The following NCALD variants were observed in gnomAD, a reference collection of about 807,000 sequenced individuals.
The protein encoded by NCALD is neurocalcin-delta.
NCALD carries 10 observed loss-of-function variants against 18.6 expected under a neutral mutation model. The observed-to-expected ratio is 0.54, with a 90% confidence interval of 0.33 to 0.91. NCALD has a LOEUF of 0.91. Among genes scored for constraint, NCALD ranks in the 40% least tolerant of loss-of-function variants. NCALD has a pLI of 0.03. For synonymous variants in NCALD, 88 were observed against 87.4 expected (o/e 1.01, Z -0.04); for missense variants, 184 against 247.6 (o/e 0.74, Z 1.72).
At chr8:101,774,514 A>G (rs1254574984) in intron 1 of NCALD, among the ~76,000 whole-genome samples, 1 of 152,236 alleles carries the variant, frequency 6.6e-6, no homozygotes, top group Non-Finnish European at 1.5e-5. Flanking sequence ...AATTTCTGAA[A>G]ACTTTACATT....
chr8:102,051,596 A>G (rs1359371862), intron 1 of NCALD, among the ~76,000 whole-genome samples: 1 of 152,246 alleles, frequency 6.6e-6, no homozygotes, highest in Non-Finnish European at 1.5e-5. Flanking sequence ...AGGTGAATGA[A>G]TGAATCTCAA....
intron 3 of NCALD, among the ~76,000 whole-genome samples, chr8:101,911,924 C>T (rs1817815499): frequency 6.6e-6 from 1 of 152,000 alleles, no homozygotes; most frequent in Non-Finnish European, 1.5e-5. Flanking sequence ...TTTCCAGATG[C>T]AAGCAGAAAC....
At chr8:102,070,825 T>G (rs186929957) in intron 1 of NCALD, among the ~76,000 whole-genome samples, 20 of 152,318 alleles carry the variant, frequency 1.3e-4, no homozygotes, top group Middle Eastern at 3.4e-3. Flanking sequence ...GAATGGCTGC[T>G]TACCGGGAAA....
At chr8:101,714,549 G>A (rs1359810384) in intron 2 of NCALD, among the ~76,000 whole-genome samples, 1 of 152,144 alleles carries the variant, frequency 6.6e-6, no homozygotes, top group Non-Finnish European at 1.5e-5. Context: ...TCAATATCAT[G>A]AAAACGGCCA....
intron 2 of NCALD, among the ~76,000 whole-genome samples, chr8:101,917,892 G>A (rs1237197845): frequency 6.6e-6 from 1 of 151,920 alleles, no homozygotes; most frequent in East Asian, 1.9e-4. Context: ...CCAAATTCTA[G>A]CAGATGTACA....
intron 2 of NCALD, among the ~76,000 whole-genome samples, chr8:101,924,490 A>T (rs1473791384): frequency 6.6e-6 from 1 of 152,218 alleles, no homozygotes; most frequent in African/African-American, 2.4e-5. Flanking sequence ...TTCCTCAGGA[A>T]GTGGAAAAGG....
intron 1 of NCALD, among the ~76,000 whole-genome samples, chr8:101,752,012 C>T (rs1009506345): frequency 3.9e-5 from 6 of 152,150 alleles, no homozygotes; most frequent in Non-Finnish European, 8.8e-5. Flanking sequence ...AAATATAAAA[C>T]TTAATTCCAT....
intron 3 of NCALD, among the ~76,000 whole-genome samples, chr8:101,892,995 T>C (rs1423818128): frequency 6.7e-6 from 1 of 148,688 alleles, no homozygotes; most frequent in Non-Finnish European, 1.5e-5. Flanking sequence ...AACATTCAGA[T>C]TCAGGAAATA....
chr8:102,063,542 T>C (rs1823912763), intron 1 of NCALD, among the ~76,000 whole-genome samples: 1 of 152,208 alleles, frequency 6.6e-6, no homozygotes, highest in Admixed American at 6.5e-5. Flanking sequence ...GATCATTATT[T>C]AAATGAAACT....
intron 4 of NCALD, among the ~76,000 whole-genome samples, chr8:101,801,143 A>T (rs926954222): frequency 6.6e-6 from 1 of 152,186 alleles, no homozygotes; most frequent in Non-Finnish European, 1.5e-5. Context: ...TAGCTATAGT[A>T]CTTTATAGAA....
chr8:102,102,567 A>G (rs1587086357), intron 1 of NCALD, among the ~76,000 whole-genome samples: 1 of 152,186 alleles, frequency 6.6e-6, no homozygotes, highest in East Asian at 1.9e-4. Context: ...AAAGGCACCT[A>G]GCAAGTGGAA....
At chr8:102,103,183 CT>C (rs947130339) in intron 1 of NCALD, among the ~76,000 whole-genome samples, 1 of 151,916 alleles carries the variant, frequency 6.6e-6, no homozygotes, top group Non-Finnish European at 1.5e-5. Flanking sequence ...GTCCCCGTGC[CT>C]TCCCTCCCCT....
At chr8:101,729,568 T>A (rs558903277) in intron 1 of NCALD, among the ~76,000 whole-genome samples, 10 of 152,334 alleles carry the variant, frequency 6.6e-5, no homozygotes, top group African/African-American at 2.2e-4. Flanking sequence ...CCACACACCT[T>A]GTTCTCATAA....
intron 4 of NCALD, among the ~76,000 whole-genome samples, chr8:101,803,136 T>C (rs1812933492): frequency 6.6e-6 from 1 of 152,176 alleles, no homozygotes; most frequent in Non-Finnish European, 1.5e-5. Context: ...GACTCTTTGT[T>C]AGGAGCTAAT....
At chr8:101,852,028 C>T (rs940970676) in intron 4 of NCALD, among the ~76,000 whole-genome samples, 1 of 152,098 alleles carries the variant, frequency 6.6e-6, no homozygotes, top group Non-Finnish European at 1.5e-5. Flanking sequence ...TGTGAGGATG[C>T]AGTGAGAATG....
At chr8:101,950,054 C>A (rs1372821067) in intron 2 of NCALD, among the ~76,000 whole-genome samples, 1 of 152,162 alleles carries the variant, frequency 6.6e-6, no homozygotes, top group African/African-American at 2.4e-5. Flanking sequence ...ATTTAGACGT[C>A]AAGAAAGAGC....
At chr8:101,961,433 G>C (rs905818166) in intron 2 of NCALD, among the ~76,000 whole-genome samples, 1 of 152,080 alleles carries the variant, frequency 6.6e-6, no homozygotes, top group Non-Finnish European at 1.5e-5. Flanking sequence ...CAGGATTCAA[G>C]TTCAATAGTT....
intron 1 of NCALD, among the ~76,000 whole-genome samples, chr8:101,729,453 G>A (rs941936914): frequency 2.6e-5 from 4 of 152,156 alleles, no homozygotes; most frequent in African/African-American, 9.7e-5. Context: ...GGAATTGCCC[G>A]AAATATGTTA....
At chr8:101,885,117 G>C (rs1318130137) in intron 4 of NCALD, among the ~76,000 whole-genome samples, 12 of 152,166 alleles carry the variant, frequency 7.9e-5, no homozygotes, top group Admixed American at 7.9e-4. Context: ...TAACTAAGAA[G>C]CTAGTCACAT....
Sources: allele counts gnomAD v4.1 joint callset (sites outside exome capture counted in the v4.1 genomes callset), GRCh38; gene constraint gnomAD v4.1.1; transcripts MANE v1.5; gene names NCBI Gene and HGNC (gene_info 2026-07-23, HGNC 2026-07-21).